The following KLHL13 variants were observed in gnomAD, a reference collection of about 807,000 sequenced individuals.
KLHL13 encodes the protein kelch like family member 13, also known as kelch-like protein 13.
A neutral mutation model predicts 37.1 loss-of-function variants in KLHL13; 10 were observed. That is an observed-to-expected ratio of 0.27 (90% CI 0.17 to 0.46). The LOEUF is 0.46. Ranked by LOEUF, KLHL13 falls within the 20% of genes least tolerant of loss-of-function variation. KLHL13 has a pLI of 1.00. For missense variants in KLHL13, 360 were observed against 509.3 expected (o/e 0.71, Z 2.82); for synonymous variants, 163 against 181.2 (o/e 0.90, Z 0.81).
chrX:117,947,235 CAGAAAATGTCT>C (rs2147808220), intron 1 of KLHL13: 1 of 111,705 alleles, frequency 9.0e-6, no homozygotes, highest in African/African-American at 3.2e-5. Flanking sequence ...TATCCCTAAC[CAGAAAATGTCT>C]ATTCATCCAG....
intron 1 of KLHL13, among the ~76,000 whole-genome samples, chrX:118,035,969 A>T (rs1321489737): frequency 9.9e-6 from 1 of 100,679 alleles, no homozygotes; most frequent in East Asian, 2.9e-4. Context: ...AGAGAGCCAA[A>T]TCATGAGTGA....
At chrX:117,974,796 T>G (rs769454709), upstream of KLHL13, among the ~76,000 whole-genome samples, 1 of 111,734 alleles carries the variant, frequency 8.9e-6, no homozygotes, top group South Asian at 3.7e-4. Flanking sequence ...ATATGAACTT[T>G]GTAAATATTA....
At chrX:118,102,660 G>C (rs190319216) in intron 1 of KLHL13, among the ~76,000 whole-genome samples, 1 of 112,065 alleles carries the variant, frequency 8.9e-6, no homozygotes, top group African/African-American at 3.2e-5. Flanking sequence ...TCTCATTAGA[G>C]AAAGTGCTGC....
intron 1 of KLHL13, among the ~76,000 whole-genome samples, chrX:117,961,004 CA>C (rs1449002811): frequency 9.9e-5 from 11 of 110,781 alleles, no homozygotes; most frequent in Admixed American, 4.8e-4. Flanking sequence ...ACTGAATTTT[CA>C]AAAAAAATAG....
At chrX:117,911,039 AAATAT>A (rs1930951594) in intron 4 of KLHL13, among the ~76,000 whole-genome samples, 1 of 112,359 alleles carries the variant, frequency 8.9e-6, no homozygotes, top group Non-Finnish European at 1.9e-5. Context: ...TAATATTAGC[AAATAT>A]AATACAAAGA....
intron 1 of KLHL13, among the ~76,000 whole-genome samples, chrX:118,114,800 C>T (rs991727591): frequency 4.4e-5 from 5 of 112,467 alleles, no homozygotes; most frequent in Non-Finnish European, 9.4e-5. Context: ...TCAACTGAGC[C>T]TTATATAATC....
intron 1 of KLHL13, among the ~76,000 whole-genome samples, chrX:118,112,395 C>T (rs949236834): frequency 1.8e-5 from 2 of 111,326 alleles, no homozygotes; most frequent in African/African-American, 6.5e-5. Flanking sequence ...TATGACACAA[C>T]AGGGCAAGTG....
At chrX:118,087,768 T>C (rs2148142290) in intron 1 of KLHL13, among the ~76,000 whole-genome samples, 1 of 111,708 alleles carries the variant, frequency 9.0e-6, no homozygotes, top group East Asian at 2.8e-4. Context: ...AGTAGACTCT[T>C]TGAGGGCAGC....
chrX:117,935,155 A>G (rs1272198404), intron 2 of KLHL13, among the ~76,000 whole-genome samples: 1 of 112,733 alleles, frequency 8.9e-6, no homozygotes, highest in Non-Finnish European at 1.9e-5. Flanking sequence ...ACATGTCCTC[A>G]CGGACATTTA....
intron 2 of KLHL13, among the ~76,000 whole-genome samples, chrX:117,937,660 T>C (rs1396782447): frequency 2.7e-5 from 3 of 112,140 alleles, no homozygotes; most frequent in Non-Finnish European, 5.6e-5. Flanking sequence ...TTCATGTGTA[T>C]ACATATTGTA....
chrX:117,923,000 G>A (rs1331295008), intron 2 of KLHL13, among the ~76,000 whole-genome samples: 1 of 111,731 alleles, frequency 9.0e-6, no homozygotes, highest in Non-Finnish European at 1.9e-5. Flanking sequence ...CACTTGAGCA[G>A]ATAACACAGA....
intron 2 of KLHL13, among the ~76,000 whole-genome samples, chrX:117,934,829 T>C (rs1932693227): frequency 1.8e-5 from 2 of 110,111 alleles, no homozygotes; most frequent in Non-Finnish European, 1.9e-5. Flanking sequence ...AGAACAAGAA[T>C]AAGATTTTTT....
At chrX:118,044,331 A>ACC (rs1161917294) in intron 1 of KLHL13, among the ~76,000 whole-genome samples, 1 of 110,301 alleles carries the variant, frequency 9.1e-6, no homozygotes, top group East Asian at 2.8e-4. Flanking sequence ...ATTCAATGTA[A>ACC]CCCCTATCAA....
At chrX:118,112,284 G>A (rs752342092) in intron 1 of KLHL13, among the ~76,000 whole-genome samples, 1 of 112,243 alleles carries the variant, frequency 8.9e-6, no homozygotes, top group African/African-American at 3.2e-5. Context: ...CCATGTGCTG[G>A]GTGCTCAGAA....
chrX:118,039,754 AG>A (rs903920130), intron 1 of KLHL13, among the ~76,000 whole-genome samples: 11 of 111,508 alleles, frequency 9.9e-5, no homozygotes, highest in Non-Finnish European at 1.9e-4. Context: ...AGCAGTAGCC[AG>A]GAAGTGGTTA....
At chrX:117,985,318 T>C in intron 1 of KLHL13, 1 of 1,134,377 alleles carries the variant, frequency 8.8e-7, no homozygotes, top group Non-Finnish European at 1.2e-6. Context: ...CATCAAATTC[T>C]CTGGAGTTTT....
At chrX:118,081,940 T>TTGTGTGTG (rs762989393) in intron 1 of KLHL13, among the ~76,000 whole-genome samples, 188 of 97,692 alleles carry the variant, frequency 1.9e-3, no homozygotes, top group African/African-American at 5.6e-3. Context: ...TAGTATTCCA[T>TTGTGTGTG]TGTGTGTGTG....
At chrX:117,900,686 T>A (rs1006015863) in intron 6 of KLHL13, among the ~76,000 whole-genome samples, 1 of 111,720 alleles carries the variant, frequency 9.0e-6, no homozygotes, top group Admixed American at 9.5e-5. Flanking sequence ...CAGTGGTCAA[T>A]CAGGTCACAA....
chrX:118,112,084 C>G (rs1358167092), intron 1 of KLHL13, among the ~76,000 whole-genome samples: 7 of 111,623 alleles, frequency 6.3e-5, no homozygotes, highest in Admixed American at 9.5e-5. Flanking sequence ...GAATTGAAAC[C>G]TAGGTGGCCT....
Sources: allele counts gnomAD v4.1 joint callset (sites outside exome capture counted in the v4.1 genomes callset), GRCh38; gene constraint gnomAD v4.1.1; transcripts MANE v1.5; gene names NCBI Gene and HGNC (gene_info 2026-07-23, HGNC 2026-07-21).